Variants in CRACD observed in about 807,000 individuals in gnomAD.
CRACD encodes the protein capping protein-inhibiting regulator of actin dynamics.
A neutral mutation model predicts 106.8 loss-of-function variants in CRACD; 56 were observed. The ratio of observed to expected loss-of-function variants is 0.52; its 90% CI spans 0.42 to 0.66. The LOEUF (loss-of-function observed/expected upper bound fraction) is 0.66, where lower values mean the gene tolerates loss of function less well. Among genes scored for constraint, CRACD ranks in the 30% least tolerant of loss-of-function variants. The pLI is 0.00. For missense variants in CRACD, 1,730 were observed against 1,623.2 expected, an observed-to-expected ratio of 1.07 and a Z score of -1.13; for synonymous variants, 754 against 670.8, an observed-to-expected ratio of 1.12 and a Z score of -1.92.
intron 1 of CRACD, among the ~76,000 whole-genome samples, chr4:56,117,921 G>C (rs1734346901): frequency 6.6e-6 from 1 of 151,870 alleles, no homozygotes. Context: ...ACCATGCCCA[G>C]CTAATGTTTG....
chr4:56,326,174 A>G (rs1468760909), intron 10 of CRACD, among the ~76,000 whole-genome samples: 1 of 152,180 alleles, frequency 6.6e-6, no homozygotes, highest in Non-Finnish European at 1.5e-5. Flanking sequence ...GGCCTCCCAA[A>G]GTGCTGGGAT....
At chr4:56,069,702 C>T (rs1577942402) in intron 1 of CRACD, among the ~76,000 whole-genome samples, 2 of 152,034 alleles carry the variant, frequency 1.3e-5, no homozygotes, top group East Asian at 1.9e-4. Context: ...TAGGGAGGAC[C>T]CTTTGTCCTG....
At position 56,324,126 on chromosome 4, in the gene CRACD, G is replaced by A; in HGVS notation, c.3401G>A (p.Gly1134Glu). The A allele has an allele frequency of 6.2e-7, 1 of 1,612,994 alleles. No homozygotes were observed. Among genetic ancestry groups the A allele is most frequent in the African/African-American group, 1.3e-5 (1 of 75,036 alleles). Residue 1134 changes from glycine to glutamate, a missense_variant, in exon 10 of 11, where the codon GGA (glycine) becomes GAA (glutamate). Gly to Glu is a moderately conservative substitution (Grantham distance 98). Transcript: ENST00000682029. ...CAGGTCAGTGTCAGCGTGCAGCCTGGAAGCAGCAGTGTCAGCAGAGCAGGT... is the reference window on the plus strand; with the variant it reads ...CAGGTCAGTGTCAGCGTGCAGCCTGAAAGCAGCAGTGTCAGCAGAGCAGGT... ...KENVSVSVQP[G>E]SSSVSRAGSL...
chr4:56,239,140 A>T (rs1021642703), intron 2 of CRACD, among the ~76,000 whole-genome samples: 2 of 152,108 alleles, frequency 1.3e-5, no homozygotes, highest in African/African-American at 4.8e-5. Flanking sequence ...TAAAACTACA[A>T]AAATTAGCTG....
intron 4 of CRACD, among the ~76,000 whole-genome samples, chr4:56,307,255 A>G (rs1376887847): frequency 1.3e-5 from 2 of 152,196 alleles, no homozygotes; most frequent in Non-Finnish European, 2.9e-5. Context: ...TGTGGCCACC[A>G]TGCCCACTGG....
At chr4:56,104,100 C>T (rs768504407) in intron 1 of CRACD, among the ~76,000 whole-genome samples, 1 of 152,050 alleles carries the variant, frequency 6.6e-6, no homozygotes. Flanking sequence ...AATTCACTAT[C>T]GAAAAAAATA....
intron 1 of CRACD, among the ~76,000 whole-genome samples, chr4:56,138,143 G>T (rs1735069089): frequency 6.6e-6 from 1 of 151,960 alleles, no homozygotes; most frequent in Non-Finnish European, 1.5e-5. Context: ...GATTGAAACA[G>T]GAGATAGATG....
chr4:56,254,986 C>A (rs1236408731), intron 2 of CRACD, among the ~76,000 whole-genome samples: 1 of 151,464 alleles, frequency 6.6e-6, no homozygotes, highest in Non-Finnish European at 1.5e-5. Flanking sequence ...TAGTGGCAGG[C>A]ACCTATAGTC....
At chr4:56,222,319 C>A (rs908140296) in intron 2 of CRACD, among the ~76,000 whole-genome samples, 1 of 152,162 alleles carries the variant, frequency 6.6e-6, no homozygotes, top group African/African-American at 2.4e-5. Context: ...TATGTTCTCA[C>A]AAGTGGGAAC....
intron 1 of CRACD, among the ~76,000 whole-genome samples, chr4:56,084,314 T>G (rs1277824696): frequency 1.3e-5 from 2 of 152,216 alleles, no homozygotes; most frequent in African/African-American, 4.8e-5. Context: ...CTGCCTTCTC[T>G]TCATTTTCTA....
chr4:56,192,211 G>T (rs1043150621), intron 2 of CRACD, among the ~76,000 whole-genome samples: 1 of 152,058 alleles, frequency 6.6e-6, no homozygotes, highest in Non-Finnish European at 1.5e-5. Flanking sequence ...GGCCAACATG[G>T]CAAAACCCCA....
In CRACD at chr4:56,254,807, T is replaced by TA. The variant is rs11289075; in HGVS notation, c.-188-17503dup. Among the ~76,000 whole-genome samples the TA allele has an allele frequency of 2.9e-4, 43 of 147,818 alleles. No individual in the cohort carries two copies. In the South Asian group the frequency reaches 3.8e-3, roughly 13 times the overall value. On this transcript the variant is annotated intron_variant, in intron 2 of 10. Coordinates refer to ENST00000682029, the MANE Select transcript of CRACD (RefSeq NM_001393381.1). ...CTATTACTGAACCTGCCCCTAGCTT[T>TA]AAAAAAAAAAAGATCAGCTGGCCGC...
chr4:56,150,034 A>G (rs1577694674), intron 1 of CRACD, among the ~76,000 whole-genome samples: 1 of 152,240 alleles, frequency 6.6e-6, no homozygotes, highest in African/African-American at 2.4e-5. Context: ...CTTATAAAGC[A>G]CTATATTAAA....
intron 2 of CRACD, among the ~76,000 whole-genome samples, chr4:56,258,872 T>C (rs960727040): frequency 1.3e-5 from 2 of 152,092 alleles, no homozygotes; most frequent in African/African-American, 4.8e-5. Flanking sequence ...GGCAAAGAAT[T>C]TTAAGATATT....
chr4:56,167,629 G>A (rs1374542520), intron 1 of CRACD, among the ~76,000 whole-genome samples: 1 of 152,098 alleles, frequency 6.6e-6, no homozygotes, highest in East Asian at 1.9e-4. Flanking sequence ...GTCTTTCTGT[G>A]CCTAGCTTAT....
chr4:56,121,714 A>C (rs756586930), intron 1 of CRACD, among the ~76,000 whole-genome samples: 5 of 152,232 alleles, frequency 3.3e-5, no homozygotes, highest in Non-Finnish European at 5.9e-5. Flanking sequence ...CAGAGGTCTA[A>C]AACTAGATTA....
intron 2 of CRACD, among the ~76,000 whole-genome samples, chr4:56,203,550 C>G (rs545407158): frequency 2.0e-5 from 3 of 152,258 alleles, no homozygotes; most frequent in Admixed American, 2.0e-4. Context: ...TTCCACTGTC[C>G]AGAGTTGCAT....
rs543550229 is a variant in CRACD at position 56,233,366 on chromosome 4, C to T, written c.-188-38955C>T. Among the ~76,000 whole-genome samples, 293 of 152,172 alleles carry T rather than the reference C, an allele frequency of 1.9e-3. 2 individuals are homozygous for T. Among genetic ancestry groups the T allele is most frequent in the African/African-American group, 6.7e-3 (279 of 41,532 alleles). On this transcript the variant is annotated intron_variant, in intron 2 of 10. Transcript: ENST00000682029. The stretch of plus-strand genomic sequence containing the variant: ...AAGAGATCCACCTGCCTCAGTCTCC[C>T]GAGTAGCTGGGGCTATAGGCATGCA...
At chr4:56,298,664 G>A (rs567251287) in intron 4 of CRACD, among the ~76,000 whole-genome samples, 2 of 152,160 alleles carry the variant, frequency 1.3e-5, no homozygotes, top group Non-Finnish European at 2.9e-5. Flanking sequence ...CAGGCGCGGT[G>A]GCTCAGGCCT....
Sources: gnomAD v4.1 joint callset for allele counts (sites outside exome capture counted in the v4.1 genomes callset) on GRCh38, gnomAD v4.1.1 for gene constraint, MANE v1.5 for transcripts, NCBI Gene and HGNC (gene_info 2026-07-23, HGNC 2026-07-21) for gene names.